The following AFF2 variants were observed in gnomAD, a reference collection of about 807,000 sequenced individuals.
AFF2 encodes the protein AF4/FMR2 family member 2.
A neutral mutation model predicts 76.9 loss-of-function variants in AFF2; 14 were observed. That is an observed-to-expected ratio of 0.18 (90% confidence interval 0.12 to 0.28). The LOEUF (loss-of-function observed/expected upper bound fraction) is 0.28. Ranked by LOEUF, AFF2 falls within the 10% of genes least tolerant of loss-of-function variation. The pLI, the probability that AFF2 is intolerant of heterozygous loss-of-function variation, is 1.00. For synonymous variants in AFF2, 398 were observed against 366.7 expected (o/e 1.09, Z -0.98); for missense variants, 868 against 1,001.1 (o/e 0.87, Z 1.79).
intron 1 of AFF2, among the ~76,000 whole-genome samples, chrX:148,586,658 A>C (rs1169677373): frequency 8.9e-6 from 1 of 112,335 alleles, no homozygotes; most frequent in Non-Finnish European, 1.9e-5. Flanking sequence ...TGGACTAATA[A>C]GAGATGCTCC....
chrX:148,953,806 C>A, intron 10 of AFF2, 67 bp downstream of exon 10: 1 of 725,001 alleles, frequency 1.4e-6, no homozygotes, highest in Non-Finnish European at 2.1e-6. Context: ...TCAACACACA[C>A]ACACACAGAC....
At chrX:148,708,468 G>C (rs782807936) in intron 3 of AFF2, among the ~76,000 whole-genome samples, 2 of 111,917 alleles carry the variant, frequency 1.8e-5, no homozygotes, top group Non-Finnish European at 3.8e-5. Flanking sequence ...ATCCCCAGCA[G>C]GTTAAATCTT....
chrX:148,911,093 A>ATATG (rs1288663829), intron 9 of AFF2, among the ~76,000 whole-genome samples: 1 of 107,230 alleles, frequency 9.3e-6, no homozygotes, highest in African/African-American at 3.4e-5. Flanking sequence ...ATATATATAT[A>ATATG]TGTGTATGTG....
chrX:148,936,766 G>T lies in AFF2; in HGVS notation c.1398-16814G>T, dbSNP rs150185877. 4.1e-3 allele frequency among the ~76,000 whole-genome samples: 461 copies of T among 112,541 alleles called. 1 individual carries two copies. Among genetic ancestry groups the T allele is most frequent in the African/African-American group, 0.014 (433 of 31,024 alleles). Reference sequence around the variant, plus strand: ...GTTGAGGGGACCCAAAGTTGGAGTTGAGGGTAGGAGTAATCCAGATTTGGG... The same window carrying T: ...GTTGAGGGGACCCAAAGTTGGAGTTTAGGGTAGGAGTAATCCAGATTTGGG... On this transcript the variant is annotated intron_variant, in intron 9 of 20. Coordinates refer to ENST00000370460, the MANE Select transcript of AFF2 (RefSeq NM_002025.4).
At position 148,962,729 on chromosome X, in the gene AFF2, G is replaced by C; in HGVS notation, c.2705G>C (p.Arg902Thr). 1 of 1,207,490 alleles carries C rather than the reference G, an allele frequency of 8.3e-7. No individual in the cohort carries two copies. Residue 902 changes from arginine to threonine, a missense_variant, in exon 13 of 21, where the codon AGG becomes ACG. Transcript: ENST00000370460. ...GTTTTTCACAGAAATAATTCATCCA[G>C]GAGAGCAAATAGAAGAAAGGAAGAA... Reference protein sequence around the residue: ...PPNTRENNSSRRANRRKEEKL... With the variant: ...PPNTRENNSSTRANRRKEEKL...
chrX:148,815,689 G>A (rs1946801203), intron 4 of AFF2, among the ~76,000 whole-genome samples: 1 of 111,094 alleles, frequency 9.0e-6, no homozygotes, highest in Non-Finnish European at 1.9e-5. Flanking sequence ...GATGTCATTG[G>A]GAAAGTGAGT....
chrX:148,951,189 A>ACG (rs2071963648), intron 9 of AFF2, among the ~76,000 whole-genome samples: 1 of 111,225 alleles, frequency 9.0e-6, no homozygotes, highest in African/African-American at 3.3e-5. Context: ...ACGCACACAC[A>ACG]CACACACACC....
chrX:148,856,077 T>C (rs1186820760), intron 7 of AFF2, among the ~76,000 whole-genome samples: 1 of 111,046 alleles, frequency 9.0e-6, no homozygotes, highest in Non-Finnish European at 1.9e-5. Flanking sequence ...AGAGCAAACC[T>C]GGACTACATT....
At chrX:148,663,164 T>C (rs968470675) in intron 3 of AFF2, among the ~76,000 whole-genome samples, 1 of 112,350 alleles carries the variant, frequency 8.9e-6, no homozygotes, top group African/African-American at 3.2e-5. Flanking sequence ...CTCAGTAGCA[T>C]ATTCTAAACC....
intron 7 of AFF2, among the ~76,000 whole-genome samples, chrX:148,855,041 T>C (rs1307878119): frequency 8.9e-6 from 1 of 111,883 alleles, no homozygotes; most frequent in Non-Finnish European, 1.9e-5. Flanking sequence ...GGTATACTAT[T>C]TTGCACAAAA....
At chrX:148,852,134 C>T (rs1557275442) in intron 7 of AFF2, among the ~76,000 whole-genome samples, 7 of 111,260 alleles carry the variant, frequency 6.3e-5, no homozygotes. Context: ...CTTTGATGGG[C>T]ATTTAGGTTG....
chrX:148,987,277 A>T (rs1389180399), intron 19 of AFF2, 90 bp from the exon 20 acceptor site: 16 of 849,832 alleles, frequency 1.9e-5, no homozygotes, highest in Non-Finnish European at 2.2e-5. Flanking sequence ...TGGCATTCTG[A>T]TGAGATCCCA....
chrX:148,762,182 T>C (rs1177296375), intron 3 of AFF2, among the ~76,000 whole-genome samples: 2 of 109,639 alleles, frequency 1.8e-5, no homozygotes, highest in African/African-American at 3.4e-5. Flanking sequence ...TGTGTAGTCT[T>C]TTATCCCTCA....
At chrX:148,574,943 G>GT (rs2053268270) in intron 1 of AFF2, among the ~76,000 whole-genome samples, 5 of 95,668 alleles carry the variant, frequency 5.2e-5, no homozygotes, top group Non-Finnish European at 8.3e-5. Context: ...ATAGTGCTGG[G>GT]GTGTGTGTGT....
At chrX:148,609,737 T>C (rs1225398649) in intron 1 of AFF2, among the ~76,000 whole-genome samples, 1 of 111,802 alleles carries the variant, frequency 8.9e-6, no homozygotes, top group Non-Finnish European at 1.9e-5. Context: ...TGTTAAAGCC[T>C]GTACCCTGAG....
chrX:148,748,641 G>T (rs1166067818), intron 3 of AFF2, among the ~76,000 whole-genome samples: 4 of 111,847 alleles, frequency 3.6e-5, no homozygotes, highest in Non-Finnish European at 7.5e-5. Context: ...CAGAGGATGG[G>T]TATTGTGCCC....
At chrX:148,519,274 A>G (rs187954063) in intron 1 of AFF2, among the ~76,000 whole-genome samples, 1 of 112,282 alleles carries the variant, frequency 8.9e-6, no homozygotes, top group East Asian at 2.8e-4. Context: ...AGATGTTAGC[A>G]TTCTCACAAT....
At chrX:148,531,220 T>A (rs1557235841) in intron 1 of AFF2, among the ~76,000 whole-genome samples, 1 of 111,626 alleles carries the variant, frequency 9.0e-6, no homozygotes, top group African/African-American at 3.3e-5. Flanking sequence ...AAGCACTGTA[T>A]TTGCCAGGAG....
chrX:148,885,412 G>C (rs1225624814), intron 7 of AFF2, among the ~76,000 whole-genome samples: 1 of 111,354 alleles, frequency 9.0e-6, no homozygotes, highest in Non-Finnish European at 1.9e-5. Context: ...GCACTGAAAG[G>C]CAGTGCAGGT....
Sources: gnomAD v4.1 joint callset for allele counts (sites outside exome capture counted in the v4.1 genomes callset) on GRCh38, gnomAD v4.1.1 for gene constraint, MANE v1.5 for transcripts, NCBI Gene and HGNC (gene_info 2026-07-23, HGNC 2026-07-21) for gene names.